The following CD72 variants were observed in gnomAD, a reference collection of about 807,000 sequenced individuals.
The protein encoded by CD72 is CD72 molecule, also known as B-cell differentiation antigen CD72.
CD72 carries 28 observed loss-of-function variants against 50.7 expected under a neutral mutation model. That is an observed-to-expected ratio of 0.55 (90% CI 0.41 to 0.76). CD72 has a LOEUF of 0.76. Ranked by LOEUF, CD72 falls within the 30% of genes least tolerant of loss-of-function variation. CD72 has a pLI of 0.00. For missense variants in CD72, 403 were observed against 420.6 expected, an observed-to-expected ratio of 0.96 and a Z score of 0.37; for synonymous variants, 176 against 171.2, an observed-to-expected ratio of 1.03 and a Z score of -0.22.
intron 3 of CD72, 168 bp downstream of exon 3, chr9:35,617,008 T>G: frequency 3.4e-6 from 5 of 1,451,902 alleles, no homozygotes; most frequent in Admixed American, 2.7e-5. Context: ...GCACGTCGGA[T>G]TCAGGCGCAC....
At chr9:35,621,531 T>C (rs1472024642), upstream of CD72, among the ~76,000 whole-genome samples, 1 of 152,182 alleles carries the variant, frequency 6.6e-6, no homozygotes, top group African/African-American at 2.4e-5. Flanking sequence ...AATAATGGCC[T>C]CCCAAAAATG....
chr9:35,638,308 C>A (rs1186505164), intron 1 of CD72, among the ~76,000 whole-genome samples: 2 of 152,076 alleles, frequency 1.3e-5, no homozygotes. Context: ...GACCTCTCCC[C>A]TCCTCCCCAG....
chr9:35,616,856 C>T, intron 3 of CD72, 167 bp from the exon 4 acceptor site: 1 of 1,024,604 alleles, frequency 9.8e-7, no homozygotes, highest in Non-Finnish European at 1.4e-6. Flanking sequence ...CGGGGTGTTT[C>T]GCAGGTAGGG....
At chr9:35,635,594 G>C (rs1359572806) in intron 1 of CD72, among the ~76,000 whole-genome samples, 1 of 152,152 alleles carries the variant, frequency 6.6e-6, no homozygotes, top group Non-Finnish European at 1.5e-5. Flanking sequence ...GGATTCAGCT[G>C]TCTCTGCCAG....
intron 1 of CD72, among the ~76,000 whole-genome samples, chr9:35,626,963 G>C (rs978966965): frequency 6.7e-6 from 1 of 149,866 alleles, no homozygotes; most frequent in Non-Finnish European, 1.5e-5. Flanking sequence ...AGCTACTCCC[G>C]AGTAGCTGGG....
exon 1 of CD72, chr9:35,646,564 G>A (rs1325147760): frequency 6.6e-6 from 1 of 152,288 alleles, no homozygotes; most frequent in Non-Finnish European, 1.5e-5. Flanking sequence ...CCTCGGTGAC[G>A]GAGACGAGGT....
chr9:35,629,116 A>G (rs1033022095), intron 1 of CD72, among the ~76,000 whole-genome samples: 5 of 151,992 alleles, frequency 3.3e-5, no homozygotes, highest in African/African-American at 9.7e-5. Context: ...GGCTCAAGCA[A>G]TCTTCCTGCC....
chr9:35,624,639 C>T (rs1181097465), intron 1 of CD72, among the ~76,000 whole-genome samples: 1 of 151,942 alleles, frequency 6.6e-6, no homozygotes, highest in Non-Finnish European at 1.5e-5. Context: ...CATTTTATTG[C>T]ACTTCACTTA....
upstream of CD72, among the ~76,000 whole-genome samples, chr9:35,620,108 G>T (rs892036032): frequency 2.6e-5 from 4 of 152,028 alleles, no homozygotes; most frequent in African/African-American, 7.3e-5. Context: ...GTGTACAGGG[G>T]GTGGGTGTGG....
At chr9:35,630,196 G>A (rs1037060801) in intron 1 of CD72, among the ~76,000 whole-genome samples, 9 of 151,758 alleles carry the variant, frequency 5.9e-5, no homozygotes, top group African/African-American at 2.2e-4. Flanking sequence ...GTGCCATCAC[G>A]CCCGGCTAAT....
In CD72 at chr9:35,610,597, C is replaced by G; in HGVS notation, c.*22+5G>C. 2 of 1,609,576 alleles carry G rather than the reference C, an allele frequency of 1.2e-6. No homozygotes were observed. The highest frequency in any genetic ancestry group is 8.5e-7 in the Non-Finnish European group (1 of 1,177,292). ...CCATGCCTCAGCCCCATCCCTCACT[C>G]TTACCAACTCAGTGCAAAGGACTGT... On this transcript the variant is annotated splice_donor_5th_base_variant and intron_variant, in intron 8 of 8. Coordinates refer to ENST00000259633, the MANE Select transcript of CD72 (RefSeq NM_001782.3).
Position 35,616,020 on chromosome 9 carries a change from TG to T in CD72, c.610del (p.Gln204AsnfsTer10). 1 of 1,614,110 alleles carries T rather than the reference TG, an allele frequency of 6.2e-7. No individual in the cohort carries two copies. Among genetic ancestry groups the T allele is most frequent in the Non-Finnish European group, 8.5e-7 (1 of 1,180,026 alleles). On this transcript the variant is annotated frameshift_variant, in exon 5 of 9. Transcript: ENST00000259633. LOFTEE classifies it high-confidence loss of function. ...CTTCTGCTCCAAGGCCCTCCTCTGTTGCTCCTCACTTTGCAAGGTCTCCTTC... is the reference window on the plus strand; with the variant it reads ...CTTCTGCTCCAAGGCCCTCCTCTGTTCTCCTCACTTTGCAAGGTCTCCTTC... ...KTKETLQSEE[Q>X]QRRALEQKLS...
chr9:35,612,753 C>T, intron 6 of CD72, 95 bp downstream of exon 6: 3 of 1,189,042 alleles, frequency 2.5e-6, no homozygotes, highest in Non-Finnish European at 3.6e-6. Flanking sequence ...GGAATGGCCA[C>T]CCCAGCCATG....
chr9:35,617,029 TGA>T, intron 3 of CD72, 145 bp downstream of exon 3: 1 of 1,465,134 alleles, frequency 6.8e-7, no homozygotes, highest in Non-Finnish European at 9.0e-7. Flanking sequence ...CGGATGAAGG[TGA>T]ATGTGGCACG....
At position 35,644,888 on chromosome 9, in the gene CD72, CTT is replaced by C. The variant is rs1190873714; in HGVS notation, n.408+1513_408+1514del. Among the ~76,000 whole-genome samples, 9 of 139,798 alleles carry C rather than the reference CTT, an allele frequency of 6.4e-5. 1 individual carries two copies. The Admixed American group carries it at 6.8e-4, about 11-fold the overall frequency. The allele number at this position is 139,798 out of a possible 152,430, so 91.7% of individuals were successfully genotyped here. ...TGACTGCGAGAGATAGAAAACATAA[CTT>C]TGACTGAAGCCAAAAAAAAAAAAAA... On this transcript the variant is annotated intron_variant and non_coding_transcript_variant, in intron 1 of 3. Coordinates refer to the CD72 transcript ENST00000465754.
At position 35,610,587 on chromosome 9, in the gene CD72, A is replaced by G. The variant is rs2131751701; in HGVS notation, c.*22+15T>C. 3 of 1,603,972 alleles carry G rather than the reference A, an allele frequency of 1.9e-6. No individual in the cohort carries two copies. Among genetic ancestry groups the G allele is most frequent in the African/African-American group, 2.7e-5 (2 of 74,788 alleles). ...CCTGGACTCCCCATGCCTCAGCCCC[A>G]TCCCTCACTCTTACCAACTCAGTGC... On this transcript the variant is annotated intron_variant, in intron 8 of 8. Transcript: ENST00000259633.
chr9:35,617,970 GAC>G (rs1293028087), intron 2 of CD72, 42 bp downstream of exon 2: 1 of 1,171,098 alleles, frequency 8.5e-7, no homozygotes, highest in Non-Finnish European at 1.3e-6. Flanking sequence ...CCCAGCTCAA[GAC>G]ACAGCCCCCC....
chr9:35,626,996 C>A lies in CD72; in HGVS notation n.409-8875G>T, dbSNP rs140339773. ...GGGACTACAGGTGCCCGCCACCATGCCTGGCTAATCTTTTTGTATTTTTAG... is the reference window on the plus strand; with the variant it reads ...GGGACTACAGGTGCCCGCCACCATGACTGGCTAATCTTTTTGTATTTTTAG... On this transcript the variant is annotated intron_variant and non_coding_transcript_variant, in intron 1 of 3. Transcript: ENST00000465754. 9.8e-3 allele frequency among the ~76,000 whole-genome samples: 1,489 copies of A among 152,108 alleles called. 21 individuals carry two copies. The highest frequency in any genetic ancestry group is 0.034 in the African/African-American group (1,410 of 41,472).
intron 5 of CD72, among the ~76,000 whole-genome samples, chr9:35,613,210 G>T (rs891478015): frequency 6.6e-5 from 10 of 151,988 alleles, no homozygotes; most frequent in African/African-American, 2.4e-4. Context: ...TTAGCAATCT[G>T]GGAGGTCTGT....
Sources: allele counts gnomAD v4.1 joint callset (sites outside exome capture counted in the v4.1 genomes callset), GRCh38; gene constraint gnomAD v4.1.1; transcripts MANE v1.5; gene names NCBI Gene and HGNC (gene_info 2026-07-23, HGNC 2026-07-21).